The following CELF4 variants were observed in gnomAD, a reference collection of about 807,000 sequenced individuals.
CELF4 encodes the protein CUGBP Elav-like family member 4, also known as CUG-BP- and ETR-3-like factor 4.
CELF4 carries 18 observed loss-of-function variants against 59.9 expected under a neutral mutation model. The observed-to-expected ratio is 0.30, with a 90% CI of 0.21 to 0.45. The LOEUF is 0.45. Among genes scored for constraint, CELF4 ranks in the 20% least tolerant of loss-of-function variants. CELF4 has a pLI of 1.00. For synonymous variants in CELF4, 261 were observed against 267.1 expected (o/e 0.98, Z 0.22); for missense variants, 456 against 689.0 (o/e 0.66, Z 3.79).
intron 2 of CELF4, among the ~76,000 whole-genome samples, chr18:37,431,362 C>CTTTTTTTTT (rs35971960): frequency 3.8e-4 from 31 of 81,560 alleles, no homozygotes; most frequent in Non-Finnish European, 5.4e-4. Flanking sequence ...CCTTTCTTTC[C>CTTTTTTTTT]TTTTTTTTTT....
At chr18:37,290,334 T>A (rs1569536303) in intron 3 of CELF4, among the ~76,000 whole-genome samples, 1 of 152,196 alleles carries the variant, frequency 6.6e-6, no homozygotes, top group African/African-American at 2.4e-5. Flanking sequence ...TTCAAATGCA[T>A]CTAGATGATG....
At chr18:37,262,428 G>A (rs1278846167) in intron 10 of CELF4, among the ~76,000 whole-genome samples, 2 of 152,104 alleles carry the variant, frequency 1.3e-5, no homozygotes, top group Non-Finnish European at 2.9e-5. Flanking sequence ...AATTGCAGCT[G>A]CTCAGAGATG....
chr18:37,342,557 C>T (rs939776094), intron 2 of CELF4, among the ~76,000 whole-genome samples: 2 of 152,146 alleles, frequency 1.3e-5, no homozygotes, highest in Admixed American at 6.5e-5. Flanking sequence ...CAGCTGTGCC[C>T]CTTCCTCATC....
rs371804525 is a variant in CELF4 at position 37,322,443 on chromosome 18, T to A, written c.370-562A>T. Among the ~76,000 whole-genome samples, 13 of 152,288 alleles carry A rather than the reference T, an allele frequency of 8.5e-5. No homozygotes were observed. The East Asian group carries it at 1.9e-3, about 23-fold the overall frequency. On this transcript the variant is annotated intron_variant, in intron 2 of 12. Transcript: ENST00000420428. ...TTAAAGCAGAGCTCAGGGCTGGGGCTCCATATTGCAGCCAGGGCTGTTCTC... is the reference window on the plus strand; with the variant it reads ...TTAAAGCAGAGCTCAGGGCTGGGGCACCATATTGCAGCCAGGGCTGTTCTC...
intron 2 of CELF4, among the ~76,000 whole-genome samples, chr18:37,352,833 G>A (rs549872026): frequency 9.2e-5 from 14 of 152,128 alleles, no homozygotes; most frequent in Non-Finnish European, 1.6e-4. Flanking sequence ...AGGCAGCTGT[G>A]AATCTGGGGA....
At chr18:37,513,021 T>G (rs1356477481) in intron 1 of CELF4, among the ~76,000 whole-genome samples, 1 of 152,150 alleles carries the variant, frequency 6.6e-6, no homozygotes, top group Non-Finnish European at 1.5e-5. Flanking sequence ...AGATGCATGG[T>G]GGATCTCAGG....
intron 2 of CELF4, among the ~76,000 whole-genome samples, chr18:37,416,286 A>G (rs574843182): frequency 5.5e-4 from 84 of 152,174 alleles, no homozygotes; most frequent in African/African-American, 1.9e-3. Flanking sequence ...ATCTGACTCA[A>G]ATAATTTGCT....
At chr18:37,338,418 A>AC (rs2097856464) in intron 2 of CELF4, among the ~76,000 whole-genome samples, 1 of 150,422 alleles carries the variant, frequency 6.6e-6, no homozygotes, top group South Asian at 2.1e-4. Flanking sequence ...CATTGTCACC[A>AC]TTATCAGCAC....
chr18:37,491,006 T>C (rs1199709904), intron 1 of CELF4, among the ~76,000 whole-genome samples: 1 of 151,916 alleles, frequency 6.6e-6, no homozygotes, highest in East Asian at 2.0e-4. Context: ...CAGAGACAGC[T>C]TTGGAAATCA....
intron 1 of CELF4, among the ~76,000 whole-genome samples, chr18:37,506,220 C>A (rs2099937823): frequency 6.6e-6 from 1 of 152,208 alleles, no homozygotes; most frequent in Non-Finnish European, 1.5e-5. Context: ...CATTACCCAC[C>A]CCAATAACTC....
At chr18:37,490,757 C>G (rs1335499526) in intron 1 of CELF4, among the ~76,000 whole-genome samples, 1 of 152,054 alleles carries the variant, frequency 6.6e-6, no homozygotes, top group Non-Finnish European at 1.5e-5. Flanking sequence ...TTTGGAGGGC[C>G]CTCCCAGCTG....
chr18:37,559,757 C>A (rs1304969092), intron 1 of CELF4, among the ~76,000 whole-genome samples: 1 of 152,198 alleles, frequency 6.6e-6, no homozygotes, highest in Non-Finnish European at 1.5e-5. Context: ...AGAAGCCCCT[C>A]TTCCCTCCTG....
At chr18:37,496,613 C>G (rs1055671655) in intron 1 of CELF4, among the ~76,000 whole-genome samples, 2 of 152,176 alleles carry the variant, frequency 1.3e-5, no homozygotes, top group Admixed American at 6.5e-5. Context: ...AGACCAATAG[C>G]CAGGAGTCCC....
At chr18:37,310,115 A>G (rs1208959695) in intron 3 of CELF4, among the ~76,000 whole-genome samples, 1 of 152,070 alleles carries the variant, frequency 6.6e-6, no homozygotes, top group African/African-American at 2.4e-5. Context: ...AACAGCTGTC[A>G]TCAAGGAAGA....
rs1353031070 is a variant in CELF4 at position 37,273,261 on chromosome 18, A to G, written c.802-98T>C. ...CTGGAGACCAATCTCCCAGGCTCTG[A>G]GCCCCAGAAGCTCCCAACTACCACT... On this transcript the variant is annotated intron_variant, in intron 6 of 12. Coordinates refer to ENST00000420428, the MANE Select transcript of CELF4 (RefSeq NM_020180.4). 1.1e-5 allele frequency: 17 copies of G among 1,483,338 alleles called. No individual in the cohort carries two copies. In the African/African-American group the frequency reaches 1.8e-4, roughly 16 times the overall value. 91.9% of individuals were successfully genotyped at this position (1,483,338 alleles called of 1,614,324 possible). A position where few individuals can be genotyped will look rare whatever the true frequency, so the allele number is the denominator to read the frequency against.
intron 2 of CELF4, among the ~76,000 whole-genome samples, chr18:37,336,862 G>A (rs1255375029): frequency 6.6e-6 from 1 of 152,198 alleles, no homozygotes; most frequent in Non-Finnish European, 1.5e-5. Context: ...GCTGGCCCTG[G>A]GGTGCCCTTT....
chr18:37,485,305 G>T (rs1238306560), intron 2 of CELF4, among the ~76,000 whole-genome samples: 1 of 151,590 alleles, frequency 6.6e-6, no homozygotes, highest in Admixed American at 6.6e-5. Context: ...GCCCGCGCAG[G>T]AACTTCACGG....
At chr18:37,279,329 C>T (rs2093815181) in intron 3 of CELF4, among the ~76,000 whole-genome samples, 1 of 151,784 alleles carries the variant, frequency 6.6e-6, no homozygotes, top group African/African-American at 2.4e-5. Context: ...GCTGAGACCC[C>T]CTGGGGGCCC....
At chr18:37,563,163 C>T (rs2154606362) in intron 1 of CELF4, among the ~76,000 whole-genome samples, 1 of 151,830 alleles carries the variant, frequency 6.6e-6, no homozygotes, top group African/African-American at 2.4e-5. Flanking sequence ...GAAAATTCTA[C>T]TTCTTTGCTA....
Sources: allele counts gnomAD v4.1 joint callset (sites outside exome capture counted in the v4.1 genomes callset), GRCh38; gene constraint gnomAD v4.1.1; transcripts MANE v1.5; gene names NCBI Gene and HGNC (gene_info 2026-07-23, HGNC 2026-07-21).